The following RGS6 variants were observed in gnomAD, a reference collection of about 807,000 sequenced individuals.
The protein encoded by RGS6 is regulator of G-protein signaling 6.
In RGS6, 30 loss-of-function variants were observed where a neutral mutation model predicts 78.5. The observed-to-expected ratio is 0.38, with a 90% CI of 0.29 to 0.52. RGS6 has a LOEUF of 0.52. Ranked by LOEUF, RGS6 falls within the 20% of genes least tolerant of loss-of-function variation. RGS6 has a pLI of 0.85. For synonymous variants in RGS6, 206 were observed against 206.0 expected, an observed-to-expected ratio of 1.00 and a Z score of 0.00; for missense variants, 495 against 609.7, an observed-to-expected ratio of 0.81 and a Z score of 1.98.
chr14:72,545,015 T>G (rs2097373719), intron 17 of RGS6, among the ~76,000 whole-genome samples: 1 of 152,228 alleles, frequency 6.6e-6, no homozygotes, highest in African/African-American at 2.4e-5. Context: ...CCTCAAGGTT[T>G]CATGGGGAAC....
chr14:71,938,839 C>T (rs963296083), intron 1 of RGS6, among the ~76,000 whole-genome samples: 16 of 152,142 alleles, frequency 1.1e-4, no homozygotes, highest in Non-Finnish European at 2.2e-4. Flanking sequence ...CAGTAATAGG[C>T]CAAGAGCTGT....
At chr14:72,126,208 T>C (rs2096188158) in intron 2 of RGS6, among the ~76,000 whole-genome samples, 1 of 152,248 alleles carries the variant, frequency 6.6e-6, no homozygotes, top group Non-Finnish European at 1.5e-5. Flanking sequence ...TTACTTCACA[T>C]GCTAACTTGT....
chr14:72,068,293 C>A (rs1179694265), intron 2 of RGS6, among the ~76,000 whole-genome samples: 1 of 151,716 alleles, frequency 6.6e-6, no homozygotes, highest in East Asian at 1.9e-4. Context: ...CACCACCACA[C>A]CTAGCTAATT....
At chr14:71,993,985 A>G (rs150438859) in intron 2 of RGS6, among the ~76,000 whole-genome samples, 14 of 151,490 alleles carry the variant, frequency 9.2e-5, no homozygotes, top group Non-Finnish European at 2.1e-4. Context: ...TTGGCCACCA[A>G]AGTTACATCT....
chr14:72,028,523 T>A (rs570373513), intron 2 of RGS6, among the ~76,000 whole-genome samples: 132 of 152,372 alleles, frequency 8.7e-4, no homozygotes, highest in Admixed American at 1.6e-3. Flanking sequence ...ATGCTAATGC[T>A]ATACTTCAAA....
chr14:72,158,016 T>C (rs997345539), intron 2 of RGS6, among the ~76,000 whole-genome samples: 5 of 152,166 alleles, frequency 3.3e-5, no homozygotes, highest in African/African-American at 1.2e-4. Context: ...TCCATTCTTT[T>C]AGTTTCTCTG....
the RGS6 span, among the ~76,000 whole-genome samples, chr14:72,574,719 A>G: frequency 6.6e-6 from 1 of 152,192 alleles, no homozygotes; most frequent in Non-Finnish European, 1.5e-5. Context: ...GGCAAAGGGA[A>G]ACTCATTTGC....
intron 2 of RGS6, among the ~76,000 whole-genome samples, chr14:72,217,808 A>G (rs914095390): frequency 2.0e-5 from 3 of 152,206 alleles, no homozygotes; most frequent in African/African-American, 7.2e-5. Context: ...AGGTCATATT[A>G]TAAAATTTGG....
At chr14:72,582,275 G>T in the RGS6 span, among the ~76,000 whole-genome samples, 1 of 152,176 alleles carries the variant, frequency 6.6e-6, no homozygotes, top group African/African-American at 2.4e-5. Flanking sequence ...CCCTTCATGA[G>T]CTATTACAGT....
At chr14:72,236,520 T>A (rs180933876) in intron 2 of RGS6, among the ~76,000 whole-genome samples, 2 of 152,348 alleles carry the variant, frequency 1.3e-5, no homozygotes, top group East Asian at 3.9e-4. Flanking sequence ...GACATTCTTT[T>A]TTTTTCTCCA....
intron 2 of RGS6, among the ~76,000 whole-genome samples, chr14:72,203,180 C>A (rs1400253163): frequency 6.6e-6 from 1 of 152,080 alleles, no homozygotes; most frequent in Non-Finnish European, 1.5e-5. Flanking sequence ...CTGCCCTGAT[C>A]CTGTTTTTTA....
intron 2 of RGS6, among the ~76,000 whole-genome samples, chr14:72,021,707 G>A (rs1484209029): frequency 6.6e-6 from 1 of 151,684 alleles, no homozygotes; most frequent in East Asian, 1.9e-4. Flanking sequence ...CCTGACCTCA[G>A]GTGAGCCACC....
At chr14:72,438,199 A>G (rs2095028760) in intron 3 of RGS6, among the ~76,000 whole-genome samples, 1 of 152,210 alleles carries the variant, frequency 6.6e-6, no homozygotes, top group Non-Finnish European at 1.5e-5. Flanking sequence ...AGTGAAGCTC[A>G]GGTGACAGGA....
chr14:71,892,746 T>A, the RGS6 span, among the ~76,000 whole-genome samples: 125 of 152,382 alleles, frequency 8.2e-4, 1 homozygote, highest in South Asian at 1.0e-3. Flanking sequence ...GATGAATCGT[T>A]TCTTAAAATT....
intron 2 of RGS6, among the ~76,000 whole-genome samples, chr14:72,339,763 G>A (rs535096382): frequency 1.5e-4 from 23 of 152,204 alleles, no homozygotes; most frequent in Admixed American, 5.2e-4. Context: ...TGGTGTGTTC[G>A]GAGGCAGCAT....
chr14:72,606,298 C>T, the RGS6 span, among the ~76,000 whole-genome samples: 10 of 152,076 alleles, frequency 6.6e-5, no homozygotes, highest in African/African-American at 2.2e-4. Flanking sequence ...TTCCCCAAAC[C>T]CGCTAAGTCT....
At chr14:71,921,956 G>C in the RGS6 span, among the ~76,000 whole-genome samples, 2 of 152,090 alleles carry the variant, frequency 1.3e-5, no homozygotes, top group African/African-American at 4.8e-5. Flanking sequence ...ACCCTGTTTT[G>C]CTCTCTGTAG....
chr14:72,363,759 A>G (rs1479373178), intron 3 of RGS6, among the ~76,000 whole-genome samples: 1 of 152,180 alleles, frequency 6.6e-6, no homozygotes, highest in African/African-American at 2.4e-5. Flanking sequence ...GGAGGCCTCT[A>G]TTACAGTGAT....
chr14:72,043,470 T>G (rs1487705077), intron 2 of RGS6, among the ~76,000 whole-genome samples: 1 of 104,420 alleles, frequency 9.6e-6, no homozygotes, highest in Non-Finnish European at 1.9e-5. Flanking sequence ...GAAAAAGTCT[T>G]TATTTTTTCT....
Sources: gnomAD v4.1 joint callset for allele counts (sites outside exome capture counted in the v4.1 genomes callset) on GRCh38, gnomAD v4.1.1 for gene constraint, MANE v1.5 for transcripts, NCBI Gene and HGNC (gene_info 2026-07-23, HGNC 2026-07-21) for gene names.